Variants in MAPT observed in about 807,000 individuals in gnomAD.
MAPT encodes microtubule associated protein tau, also known as microtubule-associated protein tau.
Under a neutral mutation model 67.9 loss-of-function variants are expected in MAPT, and 34 were observed. That is an observed-to-expected ratio of 0.50 (90% CI 0.38 to 0.67). The LOEUF (loss-of-function observed/expected upper bound fraction) is 0.67. Among genes scored for constraint, MAPT ranks in the 30% least tolerant of loss-of-function variants. The probability of loss-of-function intolerance (pLI) is 0.00; values close to 1 mark genes in which losing one functional copy is unlikely to be tolerated. For synonymous variants in MAPT, 456 were observed against 464.5 expected (o/e 0.98, Z 0.23); for missense variants, 881 against 1,115.2 (o/e 0.79, Z 2.99).
chr17:45,917,483 C>CAAAGATAA (rs934122399), intron 1 of MAPT, among the ~76,000 whole-genome samples: 3 of 152,210 alleles, frequency 2.0e-5, no homozygotes, highest in African/African-American at 7.2e-5. Flanking sequence ...TTTGCCCCTG[C>CAAAGATAA]TTAAAAACTA....
chr17:46,015,736 C>T (rs1051379999), intron 11 of MAPT, among the ~76,000 whole-genome samples: 1 of 152,110 alleles, frequency 6.6e-6, no homozygotes, highest in African/African-American at 2.4e-5. Flanking sequence ...GTTTGTAACA[C>T]AAAGGACAAA....
At position 46,024,002 on chromosome 17, in the gene MAPT, C is replaced by G; in HGVS notation, c.2333C>G (p.Thr778Arg). The change falls in exon 13 of 13, where the codon ACA (threonine) becomes AGA (arginine). Residue 778 changes from threonine (T) to arginine (R), a missense_variant. Around this residue, in one of 6 missense-constraint regions of MAPT, gnomAD observed 79 missense variants for 150.9 expected, o/e 0.52. Coordinates refer to ENST00000262410, the MANE Select transcript of MAPT (RefSeq NM_001377265.1). ...LTFRENAKAK[T>R]DHGAEIVYKS... ...TTCCGCGAGAACGCCAAAGCCAAGA[C>G]AGACCACGGGGCGGAGATCGTGTAC... The G allele has an allele frequency of 6.2e-7, 1 of 1,614,162 alleles. No homozygotes were observed. Among genetic ancestry groups the G allele is most frequent in the Non-Finnish European group, 8.5e-7 (1 of 1,180,038 alleles).
intron 1 of MAPT, among the ~76,000 whole-genome samples, chr17:45,924,338 C>T (rs550039593): frequency 1.6e-4 from 24 of 152,250 alleles, no homozygotes; most frequent in Non-Finnish European, 2.2e-4. Flanking sequence ...ACTCTGGAGG[C>T]TCTTTTGCTC....
intron 9 of MAPT, among the ~76,000 whole-genome samples, chr17:46,002,756 G>A (rs991817669): frequency 3.3e-5 from 5 of 152,160 alleles, no homozygotes; most frequent in African/African-American, 1.2e-4. Context: ...CGCAGCCTGG[G>A]TGGCTGCTTC....
chr17:45,931,688 A>G (rs911037446), intron 1 of MAPT: 2 of 152,224 alleles, frequency 1.3e-5, no homozygotes, highest in Non-Finnish European at 2.9e-5. Context: ...TGGTATTTAA[A>G]CTCAGCAAAA....
chr17:45,947,032 C>G (rs1245119946), intron 1 of MAPT, among the ~76,000 whole-genome samples: 1 of 152,150 alleles, frequency 6.6e-6, no homozygotes, highest in African/African-American at 2.4e-5. Flanking sequence ...TTTCTGTATG[C>G]TCCTTATCTT....
At chr17:45,959,981 C>T (rs2070205214) in intron 1 of MAPT, among the ~76,000 whole-genome samples, 1 of 152,134 alleles carries the variant, frequency 6.6e-6, no homozygotes, top group Non-Finnish European at 1.5e-5. Flanking sequence ...AATGCTCATG[C>T]TATAATCTTA....
In MAPT at chr17:45,908,949, G is replaced by GTCAT. The variant is rs2064533563; in HGVS notation, c.-18+14266_-18+14269dup. ...AAATTGTATTAAGGGTGAGTACTGAGTCATTCTTCAAGAAAAGTTTTAGAA... is the reference window on the plus strand; with the variant it reads ...AAATTGTATTAAGGGTGAGTACTGAGTCATTCATTCTTCAAGAAAAGTTTTAGAA... On this transcript the variant is annotated intron_variant, in intron 1 of 12. Coordinates refer to ENST00000262410, the MANE Select transcript of MAPT (RefSeq NM_001377265.1). Among the ~76,000 whole-genome samples, 3 of 152,250 alleles carry GTCAT rather than the reference G, an allele frequency of 2.0e-5. No individual in the cohort carries two copies. The South Asian group carries it at 6.2e-4, about 32-fold the overall frequency.
At chr17:45,987,530 C>T (rs1038056359) in intron 6 of MAPT, among the ~76,000 whole-genome samples, 3 of 152,238 alleles carry the variant, frequency 2.0e-5, no homozygotes, top group Non-Finnish European at 4.4e-5. Flanking sequence ...TTTACTGTCT[C>T]AATGACTGGG....
rs116057652 is a variant in MAPT, at chr17:45,935,610, G to A, written c.-17-26711G>A. On this transcript the variant is annotated intron_variant, in intron 1 of 12. Transcript: ENST00000262410. ...TGGTGCCATGGTTCCTTAGGGAGCC[G>A]GTCCCCTGATGCCGGCTCCTGGCCC... is the stretch of plus-strand genomic sequence containing the variant. Among the ~76,000 whole-genome samples the A allele has an allele frequency of 4.4e-3, 674 of 152,196 alleles. 5 individuals carry two copies. The highest frequency in any genetic ancestry group is 0.016 in the African/African-American group (644 of 41,504).
intron 5 of MAPT, among the ~76,000 whole-genome samples, chr17:45,984,160 A>G (rs1053363464): frequency 1.3e-5 from 2 of 152,152 alleles, no homozygotes; most frequent in Non-Finnish European, 2.9e-5. Flanking sequence ...GCATGTCACC[A>G]GCACCCCCGC....
intron 3 of MAPT, chr17:45,974,000 C>T: frequency 3.9e-6 from 1 of 259,474 alleles, no homozygotes; most frequent in Non-Finnish European, 7.7e-6. Flanking sequence ...AAACCATAGG[C>T]CCCCGCACTA....
At position 45,983,909 on chromosome 17, in the gene MAPT, AG is replaced by A. The variant is rs753430290; in HGVS notation, c.1331del (p.Ser444ThrfsTer36). The part of the protein sequence containing the change: ...PAAAPRGKPV[S>X]RVPQLKARMV... ...TGCTGCTCCGCGGGGGAAGCCCGTC[AG>A]CCGGGTCCCTCAACTCAAAGGTCTG... On this transcript the variant is annotated frameshift_variant, in exon 5 of 13. Transcript: ENST00000262410. LOFTEE classifies it high-confidence loss of function. The A allele has an allele frequency of 1.3e-6, 2 of 1,577,120 alleles. No homozygotes were observed. Among genetic ancestry groups the A allele is most frequent in the Admixed American group, 3.9e-5 (2 of 51,466 alleles).
In MAPT at chr17:46,024,501, AG is replaced by A. The variant is rs2076722516; in HGVS notation, c.*333del. On this transcript the variant is annotated 3_prime_UTR_variant, in exon 13 of 13. Transcript: ENST00000262410. ...TTTTTCTTCCCCCTCCATGTAGAAG[AG>A]GGAGAAGGAGAGGCTCTGAAAGCTG... The A allele has an allele frequency of 2.4e-6, 1 of 415,552 alleles. No homozygotes were observed. The allele number at this position is 415,552 out of a possible 1,614,324, so 25.7% of individuals were successfully genotyped here.
In MAPT at chr17:45,915,103, T is replaced by C. The variant is rs528442790; in HGVS notation, c.-18+20417T>C. Reference sequence around the variant, plus strand: ...ATGAAAATATCCGGAAGAAGGGTTCTTTTAAAAGGCTCCTCAAGTGATGCT... The same window carrying C: ...ATGAAAATATCCGGAAGAAGGGTTCCTTTAAAAGGCTCCTCAAGTGATGCT... On this transcript the variant is annotated intron_variant, in intron 1 of 12. Transcript: ENST00000262410. The surrounding 1 kb of genome is among the most constrained non-coding windows in gnomAD (Gnocchi z 4.4). Among the ~76,000 whole-genome samples the C allele has an allele frequency of 1.3e-5, 2 of 152,354 alleles. No individual in the cohort carries two copies. The highest frequency in any genetic ancestry group is 4.1e-4 in the South Asian group (2 of 4,828).
intron 1 of MAPT, among the ~76,000 whole-genome samples, chr17:45,957,879 C>T (rs921511455): frequency 2.0e-5 from 3 of 151,804 alleles, no homozygotes; most frequent in Non-Finnish European, 2.9e-5. Context: ...GTCTAAAGTA[C>T]ATCTGGAAGA....
chr17:45,998,190 C>T (rs1334816660), intron 9 of MAPT, among the ~76,000 whole-genome samples: 2 of 152,154 alleles, frequency 1.3e-5, no homozygotes, highest in Admixed American at 6.5e-5. Context: ...GGCATTTGGA[C>T]GGAGGGTGGC....
In MAPT at chr17:46,026,690, G is replaced by GCTGC. The variant is rs2146250514; in HGVS notation, c.*2527_*2530dup. The GCTGC allele has an allele frequency of 6.6e-6, 1 of 152,534 alleles. No individual in the cohort carries two copies. The highest frequency in any genetic ancestry group is 1.9e-4 in the East Asian group (1 of 5,188). 9.4% of individuals were successfully genotyped at this position (152,534 alleles called of 1,614,324 possible). ...TCCTGGATCTGCTCTAGAGGCCCAAGCTGCCTGCCTGAGGAAGGATGACTT... is the reference window on the plus strand; with the variant it reads ...TCCTGGATCTGCTCTAGAGGCCCAAGCTGCCTGCCTGCCTGAGGAAGGATGACTT... On this transcript the variant is annotated 3_prime_UTR_variant, in exon 13 of 13. Transcript: ENST00000262410.
chr17:45,996,753 G>A lies in MAPT; in HGVS notation c.1998+89G>A, dbSNP rs1292358198. 6.5e-7 allele frequency: 1 copy of A among 1,543,502 alleles called. No individual in the cohort carries two copies. Among genetic ancestry groups the A allele is most frequent in the Non-Finnish European group, 8.8e-7 (1 of 1,141,986 alleles). ...TGGAAGGGTAGGGCTGCGCCTGGAGGTGCGCGGTTGAGCGTGGAGTCGTGG... is the reference window on the plus strand; with the variant it reads ...TGGAAGGGTAGGGCTGCGCCTGGAGATGCGCGGTTGAGCGTGGAGTCGTGG... On this transcript the variant is annotated intron_variant, in intron 9 of 12. Coordinates refer to ENST00000262410, the MANE Select transcript of MAPT (RefSeq NM_001377265.1). The surrounding 1 kb of genome is among the most constrained non-coding windows in gnomAD (Gnocchi z 4.5).
Sources: gnomAD v4.1 joint callset for allele counts (sites outside exome capture counted in the v4.1 genomes callset) on GRCh38, gnomAD v4.1.1 for gene constraint, gnomAD v4.1.1 regional missense constraint, Gnocchi (gnomAD v3.1) non-coding constraint, MANE v1.5 for transcripts, NCBI Gene and HGNC (gene_info 2026-07-23, HGNC 2026-07-21) for gene names.